CUTA: variants seen among roughly 807,000 people sequenced by gnomAD.
CUTA encodes the protein cutA divalent cation tolerance homolog, also known as protein CutA.
Under a neutral mutation model 20.7 loss-of-function variants are expected in CUTA, and 21 were observed. The ratio of observed to expected loss-of-function variants is 1.01; its 90% CI spans 0.72 to 1.46. The LOEUF is 1.46. CUTA is among the 40% of genes most tolerant of loss of function. CUTA has a pLI of 0.00. For missense variants in CUTA, 231 were observed against 226.8 expected (o/e 1.02, Z -0.12); for synonymous variants, 99 against 97.9 (o/e 1.01, Z -0.07).
chr6:33,416,606 T>TG lies in CUTA; in HGVS notation c.*43dup. 1.7e-6 allele frequency: 2 copies of TG among 1,153,084 alleles called. No homozygotes were observed. Among genetic ancestry groups the TG allele is most frequent in the Non-Finnish European group, 2.6e-6 (2 of 760,814 alleles). 71.4% of individuals were successfully genotyped at this position (1,153,084 alleles called of 1,614,324 possible). A position where few individuals can be genotyped will look rare whatever the true frequency, so the allele number is the denominator to read the frequency against. ...TCATCACCTGGAAGTCAGAAGGCGT[T>TG]GAAGTATCGCGGGGATCTTCATGAT... On this transcript the variant is annotated 3_prime_UTR_variant, in exon 6 of 6. Coordinates refer to ENST00000488034, the MANE Select transcript of CUTA (RefSeq NM_001014840.2).
At chr6:33,417,017 TCA>T (rs752891864) in intron 4 of CUTA, 48 bp from the exon 5 acceptor site, 20 of 1,613,004 alleles carry the variant, frequency 1.2e-5, no homozygotes, top group East Asian at 4.5e-5. Context: ...GGGATTGAGT[TCA>T]GTTTCTCAGA....
Position 33,417,092 on chromosome 6 carries a change from C to T in CUTA, c.363+5G>A. 6.2e-7 allele frequency: 1 copy of T among 1,611,488 alleles called. No individual in the cohort carries two copies. The highest frequency in any genetic ancestry group is 8.5e-7 in the Non-Finnish European group (1 of 1,178,154). On this transcript the variant is annotated splice_donor_5th_base_variant and intron_variant, in intron 4 of 5. Transcript: ENST00000488034. ...ATTTTGTTGGGTGGGGGAAATGTTT[C>T]TCACCATCAGCACCTCACTGTCTTC...
chr6:33,417,891 G>A, intron 1 of CUTA, 68 bp downstream of exon 1: 1 of 1,576,274 alleles, frequency 6.3e-7, no homozygotes, highest in South Asian at 1.1e-5. Flanking sequence ...CAACCTCTGG[G>A]ATTTAGGGTG....
chr6:33,416,753 G>C lies in CUTA; in HGVS notation c.437C>G (p.Ala146Gly). Residue 146 changes from alanine to glycine, a missense_variant, in exon 6 of 6, where the codon GCC (alanine) becomes GGC (glycine). Coordinates refer to ENST00000488034, the MANE Select transcript of CUTA (RefSeq NM_001014840.2). Reference sequence around the variant, plus strand: ...TTCCACAGGCAATGCAATTACCTCGGCCACTTCGTAAGGGTGCACAGAACT... The same window carrying C: ...TTCCACAGGCAATGCAATTACCTCGCCCACTTCGTAAGGGTGCACAGAACT... ...FVRSVHPYEV[A>G]EVIALPVEQG... The C allele has an allele frequency of 1.2e-6, 2 of 1,614,128 alleles. No homozygotes were observed. The highest frequency in any genetic ancestry group is 1.7e-6 in the Non-Finnish European group (2 of 1,180,004).
chr6:33,417,171 G>A (rs1313325033), intron 3 of CUTA, 29 bp from the exon 4 acceptor site: 2 of 1,612,724 alleles, frequency 1.2e-6, no homozygotes, highest in Non-Finnish European at 1.7e-6. Context: ...AGAGTTGTGG[G>A]GAGCAAAGAA....
intron 4 of CUTA, 35 bp from the exon 5 acceptor site, chr6:33,417,004 A>G: frequency 6.2e-7 from 1 of 1,613,198 alleles, no homozygotes; most frequent in Non-Finnish European, 8.5e-7. Flanking sequence ...TGAATCAAGG[A>G]GTGGGATTGA....
Position 33,416,727 on chromosome 6 carries a change from G to A in CUTA, c.463C>T (p.Gln155Ter), listed in dbSNP as rs764138453. Residue 155 changes from glutamine to a stop codon, truncating the protein, a stop_gained, in exon 6 of 6, where the codon CAG (glutamine) becomes TAG (stop). Transcript: ENST00000488034. LOFTEE classifies it high-confidence loss of function. ...CACTGCAGGTACGGAAAGTTCCCCT[G>A]TTCCACAGGCAATGCAATTACCTCG... ...VAEVIALPVE[Q>*]GNFPYLQWVR... The A allele has an allele frequency of 6.2e-7, 1 of 1,614,094 alleles. No homozygotes were observed. The highest frequency in any genetic ancestry group is 8.5e-7 in the Non-Finnish European group (1 of 1,180,010).
intron 1 of CUTA, 60 bp from the exon 2 acceptor site, chr6:33,417,755 G>C: frequency 6.4e-7 from 1 of 1,557,594 alleles, no homozygotes; most frequent in Non-Finnish European, 8.6e-7. Flanking sequence ...TTACACCCGG[G>C]GAAGCCTTCG....
In CUTA at chr6:33,417,286, T is replaced by C. The variant is rs1375851054; in HGVS notation, c.282A>G (p.Ala94=). ...TCTGAGGGATGAGGTTGACGCAGGC[T>C]GCTAGGCGCTTCTCCACCACGGCCC... ...IARAVVEKRL[A]ACVNLIPQIT... Residue 94 remains alanine, a synonymous_variant, in exon 3 of 6, where the codon GCA becomes GCG. Coordinates refer to ENST00000488034, the MANE Select transcript of CUTA (RefSeq NM_001014840.2). The C allele has an allele frequency of 6.2e-7, 1 of 1,614,238 alleles. No homozygotes were observed. Among genetic ancestry groups the C allele is most frequent in the East Asian group, 2.2e-5 (1 of 44,888 alleles).
rs1776624926 is a variant in CUTA at position 33,418,104 on chromosome 6, G to C, written c.-104C>G. On this transcript the variant is annotated 5_prime_UTR_variant, in exon 1 of 6. In the 5' UTR this introduces an upstream ATG that the reference lacks. Coordinates refer to ENST00000488034, the MANE Select transcript of CUTA (RefSeq NM_001014840.2). This position sits in a 1 kb window ranked among gnomAD's most constrained non-coding sequence, Gnocchi z 5.7. ...CTTCTTACCTGGGTGGCAGCCACGTGATTAGAAAACAGCGCGCACCATGTG... is the reference window on the plus strand; with the variant it reads ...CTTCTTACCTGGGTGGCAGCCACGTCATTAGAAAACAGCGCGCACCATGTG... The C allele has an allele frequency of 2.5e-6, 4 of 1,614,224 alleles. No individual in the cohort carries two copies. Among genetic ancestry groups the C allele is most frequent in the Non-Finnish European group, 3.4e-6 (4 of 1,180,044 alleles).
In CUTA at chr6:33,416,514, T is replaced by A; in HGVS notation, c.*136A>T. The stretch of plus-strand genomic sequence containing the variant: ...AAGCACTTATATTCTCCCAACAAAT[T>A]TGCATACATGACAAAAAACAGGCAA... On this transcript the variant is annotated 3_prime_UTR_variant, in exon 6 of 6. Coordinates refer to ENST00000488034, the MANE Select transcript of CUTA (RefSeq NM_001014840.2). 2.9e-6 allele frequency: 2 copies of A among 684,544 alleles called. No homozygotes were observed. The highest frequency in any genetic ancestry group is 5.0e-5 in the East Asian group (2 of 40,188). 42.4% of individuals were successfully genotyped at this position (684,544 alleles called of 1,614,324 possible).
At chr6:33,417,805 C>G in intron 1 of CUTA, 110 bp from the exon 2 acceptor site, 1 of 1,543,750 alleles carries the variant, frequency 6.5e-7, no homozygotes, top group Non-Finnish European at 8.7e-7. Flanking sequence ...GATGCACCCC[C>G]GAAGAATGCC....
rs897320262 is a variant in CUTA at position 33,416,517 on chromosome 6, C to T, written c.*133G>A. 4.4e-6 allele frequency: 3 copies of T among 688,454 alleles called. No homozygotes were observed. Among genetic ancestry groups the T allele is most frequent in the Non-Finnish European group, 8.0e-6 (3 of 375,120 alleles). The allele number at this position is 688,454 out of a possible 1,614,324, so 42.6% of individuals were successfully genotyped here. ...CACTTATATTCTCCCAACAAATTTGCATACATGACAAAAAACAGGCAAAAG... is the reference window on the plus strand; with the variant it reads ...CACTTATATTCTCCCAACAAATTTGTATACATGACAAAAAACAGGCAAAAG... On this transcript the variant is annotated 3_prime_UTR_variant, in exon 6 of 6. Coordinates refer to ENST00000488034, the MANE Select transcript of CUTA (RefSeq NM_001014840.2).
At position 33,416,739 on chromosome 6, in the gene CUTA, A is replaced by G. The variant is rs201868307; in HGVS notation, c.451T>C (p.Leu151=). 1.2e-6 allele frequency: 2 copies of G among 1,614,100 alleles called. No individual in the cohort carries two copies. Among genetic ancestry groups the G allele is most frequent in the East Asian group, 4.5e-5 (2 of 44,882 alleles). Residue 151 remains leucine (L), a synonymous_variant, in exon 6 of 6, where the codon TTG becomes CTG. Coordinates refer to ENST00000488034, the MANE Select transcript of CUTA (RefSeq NM_001014840.2). Reference sequence around the variant, plus strand: ...GGAAAGTTCCCCTGTTCCACAGGCAATGCAATTACCTCGGCCACTTCGTAA... The same window carrying G: ...GGAAAGTTCCCCTGTTCCACAGGCAGTGCAATTACCTCGGCCACTTCGTAA... ...HPYEVAEVIA[L]PVEQGNFPYL... is the part of the protein sequence containing the mutation.
At position 33,418,062 on chromosome 6, in the gene CUTA, C is replaced by T; in HGVS notation, c.-62G>A. 1 of 1,614,200 alleles carries T rather than the reference C, an allele frequency of 6.2e-7. No homozygotes were observed. The highest frequency in any genetic ancestry group is 8.5e-7 in the Non-Finnish European group (1 of 1,180,036). ...GCCACACGTCACACGGAGAAACAACCCCAGGAAGAGCGGCCTCTTCTTACC... is the reference window on the plus strand; with the variant it reads ...GCCACACGTCACACGGAGAAACAACTCCAGGAAGAGCGGCCTCTTCTTACC... On this transcript the variant is annotated 5_prime_UTR_variant, in exon 1 of 6. Coordinates refer to ENST00000488034, the MANE Select transcript of CUTA (RefSeq NM_001014840.2). The surrounding 1 kb of genome is among the most constrained non-coding windows in gnomAD (Gnocchi z 5.7).
rs1776501778 is a variant in CUTA at position 33,416,646 on chromosome 6, CTCA to C, written c.*1_*3del. ...ATCTTCATGATGAGCAGGAACAGGG[CTCA>C]TCATGGCAGGACTGTGATAGAGTCA... On this transcript the variant is annotated 3_prime_UTR_variant, in exon 6 of 6. Transcript: ENST00000488034. 1.3e-6 allele frequency: 2 copies of C among 1,496,484 alleles called. No individual in the cohort carries two copies. Among genetic ancestry groups the C allele is most frequent in the Non-Finnish European group, 1.9e-6 (2 of 1,072,850 alleles). The allele number at this position is 1,496,484 out of a possible 1,614,324, so 92.7% of individuals were successfully genotyped here.
chr6:33,416,787 G>A lies in CUTA; in HGVS notation c.414-11C>T. On this transcript the variant is annotated splice_polypyrimidine_tract_variant and intron_variant, in intron 5 of 5. Transcript: ENST00000488034. ...TAAGGGTGCACAGAACTACAAAATA[G>A]GTGGGTGGGGGAAGGGGATCACTCA... 9 of 1,613,122 alleles carry A rather than the reference G, an allele frequency of 5.6e-6. No individual in the cohort carries two copies. Among genetic ancestry groups the A allele is most frequent in the Non-Finnish European group, 7.6e-6 (9 of 1,179,216 alleles).
rs1304440508 is a variant in CUTA, at chr6:33,417,961, C to T, written c.40G>A (p.Val14Met). Residue 14 changes from valine to methionine, a missense_variant and splice_region_variant, in exon 1 of 6, where the codon GTG becomes ATG. Physicochemically the swap from Val to Met is conservative, Grantham distance 21 (BLOSUM62 1). Transcript: ENST00000488034. ...GCGGGGCGGGGCCGGTCACTCACCA[C>T]TCCGCCGAGCAGGACCGCGGGAGCC... is the stretch of plus-strand genomic sequence containing the variant. ...GRAPAVLLGGVASLLLSFVWM... is the reference protein window; with the variant it reads ...GRAPAVLLGGMASLLLSFVWM... 2 of 1,595,282 alleles carry T rather than the reference C, an allele frequency of 1.3e-6. No homozygotes were observed. Among genetic ancestry groups the T allele is most frequent in the African/African-American group, 2.7e-5 (2 of 74,650 alleles).
chr6:33,416,748 C>T lies in CUTA; in HGVS notation c.442G>A (p.Val148Ile), dbSNP rs1346147199. The change falls in exon 6 of 6, where the codon GTA becomes ATA. Residue 148 changes from valine (V) to isoleucine (I), a missense_variant. Transcript: ENST00000488034. Reference protein sequence around the residue: ...RSVHPYEVAEVIALPVEQGNF... With the variant: ...RSVHPYEVAEIIALPVEQGNF... The stretch of plus-strand genomic sequence containing the variant: ...CCCTGTTCCACAGGCAATGCAATTA[C>T]CTCGGCCACTTCGTAAGGGTGCACA... 3 of 1,614,042 alleles carry T rather than the reference C, an allele frequency of 1.9e-6. No homozygotes were observed. The highest frequency in any genetic ancestry group is 2.7e-5 in the African/African-American group (2 of 74,888).
Sources: gnomAD v4.1 joint callset for allele counts on GRCh38, gnomAD v4.1.1 for gene constraint, Gnocchi (gnomAD v3.1) non-coding constraint, MANE v1.5 for transcripts, NCBI Gene and HGNC (gene_info 2026-07-23, HGNC 2026-07-21) for gene names.